MACF1: variants seen among roughly 807,000 people sequenced by gnomAD.
MACF1 encodes the protein microtubule-actin cross-linking factor 1.
A neutral mutation model predicts 854.8 loss-of-function variants in MACF1; 193 were observed. The ratio of observed to expected loss-of-function variants is 0.23; its 90% confidence interval spans 0.20 to 0.25. The LOEUF (loss-of-function observed/expected upper bound fraction) is 0.25. MACF1 is among the 10% of genes least tolerant of loss of function. MACF1 has a pLI of 1.00. For missense variants in MACF1, 7,722 were observed against 8,929.1 expected, an observed-to-expected ratio of 0.86 and a Z score of 5.45; for synonymous variants, 3,185 against 3,226.7, an observed-to-expected ratio of 0.99 and a Z score of 0.44.
chr1:39,163,016 T>C (rs1049484890), intron 2 of MACF1, among the ~76,000 whole-genome samples: 4 of 152,126 alleles, frequency 2.6e-5, no homozygotes, highest in African/African-American at 9.7e-5. Context: ...AAGCATGCTT[T>C]TTGTGGGTTT....
chr1:39,417,745 TTTTTGG>T (rs1250428869), intron 58 of MACF1, among the ~76,000 whole-genome samples: 16 of 110,180 alleles, frequency 1.5e-4, no homozygotes, highest in East Asian at 5.4e-4. Flanking sequence ...TTTTTTTTTT[TTTTTGG>T]ATTTTTAGTA....
Position 39,448,722 on chromosome 1 carries a change from C to T in MACF1, c.20217C>T (p.Val6739=). 1 of 1,613,190 alleles carries T rather than the reference C, an allele frequency of 6.2e-7. No homozygotes were observed. The highest frequency in any genetic ancestry group is 8.5e-7 in the Non-Finnish European group (1 of 1,179,460). ...AACTTGACAATTTCCTAGGAGAAGT[C>T]AGAGACAAATGGGATACTGTTTGTG... is the stretch of plus-strand genomic sequence containing the variant. ...SQKLDNFLGE[V]RDKWDTVCGK... Residue 6739 remains valine, a synonymous_variant, in exon 84 of 101, where the codon GTC becomes GTT. Transcript: ENST00000564288.
intron 2 of MACF1, among the ~76,000 whole-genome samples, chr1:39,163,014 T>G (rs1643832407): frequency 6.6e-6 from 1 of 152,138 alleles, no homozygotes; most frequent in African/African-American, 2.4e-5. Flanking sequence ...TTAAGCATGC[T>G]TTTTGTGGGT....
chr1:39,435,283 A>G lies in MACF1; in HGVS notation c.17785-275A>G, dbSNP rs148801470. Among the ~76,000 whole-genome samples the G allele has an allele frequency of 1.8e-4, 28 of 152,316 alleles. No homozygotes were observed. In the East Asian group the frequency reaches 5.4e-3, roughly 29 times the overall value. ...AGAGTGTGGAGTAGACTTGTATGAC[A>G]CAGCTGGTAGGGGAAGAGAAGAGAG... On this transcript the variant is annotated intron_variant, in intron 69 of 100. Transcript: ENST00000564288.
Position 39,318,549 on chromosome 1 carries a change from G to A in MACF1, c.3879G>A (p.Gln1293=). Residue 1293 remains glutamine, a synonymous_variant, in exon 30 of 101, where the codon CAG becomes CAA. Transcript: ENST00000564288. The part of the protein sequence containing the change: ...IKWIEETTAQ[Q]EMMKPGQAED... ...GGATTGAGGAAACCACTGCCCAGCA[G>A]GAAATGATGAAGCCAGGCCAGGCAG... is the stretch of plus-strand genomic sequence containing the variant. The A allele has an allele frequency of 1.2e-6, 2 of 1,614,004 alleles. No homozygotes were observed. Among genetic ancestry groups the A allele is most frequent in the South Asian group, 1.1e-5 (1 of 91,070 alleles).
chr1:39,278,950 A>C (rs1645491602), intron 6 of MACF1, among the ~76,000 whole-genome samples: 1 of 152,232 alleles, frequency 6.6e-6, no homozygotes. Context: ...GAATTTATTA[A>C]TTTACAAAAT....
intron 20 of MACF1, 62 bp downstream of exon 20, chr1:39,295,944 A>G: frequency 7.0e-7 from 1 of 1,423,734 alleles, no homozygotes; most frequent in South Asian, 1.2e-5. Context: ...TGAGGTTACA[A>G]ACACATCTGC....
Position 39,350,824 on chromosome 1 carries a change from G to A in MACF1, c.11005G>A (p.Ala3669Thr), listed in dbSNP as rs962026606. The A allele has an allele frequency of 1.2e-6, 2 of 1,613,986 alleles. No individual in the cohort carries two copies. Among genetic ancestry groups the A allele is most frequent in the African/African-American group, 2.7e-5 (2 of 75,012 alleles). The part of the protein sequence containing the change: ...DDIQNRATSF[A>T]TVVKDIEGFM... ...CATTCAGAATCGTGCCACCTCATTTGCCACTGTTGTCAAGGACATTGAGGG... is the reference window on the plus strand; with the variant it reads ...CATTCAGAATCGTGCCACCTCATTTACCACTGTTGTCAAGGACATTGAGGG... Residue 3669 changes from alanine to threonine, a missense_variant, in exon 43 of 101, where the codon GCC (alanine) becomes ACC (threonine). Ala to Thr is a moderately conservative substitution (Grantham distance 58). Around this residue, in one of 15 missense-constraint regions of MACF1, gnomAD observed 2,807 missense variants for 3,235.8 expected, o/e 0.87. Coordinates refer to ENST00000564288, the MANE Select transcript of MACF1 (RefSeq NM_001394062.1).
chr1:39,318,370 A>G (rs1340771305), intron 29 of MACF1, 83 bp from the exon 30 acceptor site: 3 of 1,267,806 alleles, frequency 2.4e-6, no homozygotes, highest in East Asian at 2.3e-5. Flanking sequence ...AGCTGGATAC[A>G]TGGGTTAAAG....
chr1:39,446,492 ATT>A (rs541475374), intron 80 of MACF1, among the ~76,000 whole-genome samples: 4 of 144,500 alleles, frequency 2.8e-5, no homozygotes, highest in Non-Finnish European at 4.6e-5. Context: ...ATTTATTGTA[ATT>A]TTTTTTTTTT....
intron 2 of MACF1, among the ~76,000 whole-genome samples, chr1:39,146,185 A>G (rs1352229358): frequency 6.6e-6 from 1 of 152,160 alleles, no homozygotes; most frequent in Non-Finnish European, 1.5e-5. Context: ...GCTCACGCCT[A>G]TAATCCCAGC....
intron 52 of MACF1, 83 bp downstream of exon 52, chr1:39,372,679 A>G (rs1207824633): frequency 1.1e-6 from 1 of 911,940 alleles, no homozygotes; most frequent in Non-Finnish European, 1.8e-6. Context: ...ATATAATTAA[A>G]GTGAAAATCA....
At chr1:39,258,134 C>T in intron 6 of MACF1, 106 bp downstream of exon 6, 1 of 911,444 alleles carries the variant, frequency 1.1e-6, no homozygotes, top group South Asian at 1.4e-5. Context: ...CTCTATTTGT[C>T]AGTGAACAAA....
chr1:39,226,332 T>C (rs1644715226), intron 1 of MACF1, among the ~76,000 whole-genome samples: 1 of 151,464 alleles, frequency 6.6e-6, no homozygotes, highest in Admixed American at 6.6e-5. Flanking sequence ...CAGAATAATT[T>C]ATGGATAGTA....
chr1:39,250,303 A>G (rs779606439), intron 3 of MACF1, 200 bp downstream of exon 3: 24 of 375,632 alleles, frequency 6.4e-5, no homozygotes, highest in African/African-American at 1.0e-4. Flanking sequence ...GATGTATTAT[A>G]TGTTCTCATT....
At chr1:39,462,549 CAAA>C (rs11304821) in intron 93 of MACF1, among the ~76,000 whole-genome samples, 31 of 137,976 alleles carry the variant, frequency 2.2e-4, no homozygotes, top group Non-Finnish European at 2.5e-4. Context: ...TCCCCCCCGC[CAAA>C]AAAAAAAAAA....
At position 39,333,407 on chromosome 1, in the gene MACF1, C is replaced by G; in HGVS notation, c.6819C>G (p.Cys2273Trp). The G allele has an allele frequency of 6.2e-7, 1 of 1,614,052 alleles. No individual in the cohort carries two copies. Among genetic ancestry groups the G allele is most frequent in the Non-Finnish European group, 8.5e-7 (1 of 1,179,982 alleles). ...EDSGREIFLS[C>W]SHPLELLEEA... ...GTGGCAGGGAAATTTTTCTGTCATG[C>G]AGTCATCCATTAGAATTGCTTGAAG... The change falls in exon 37 of 101, where the codon TGC (cysteine) becomes TGG (tryptophan). Residue 2273 changes from cysteine to tryptophan, a missense_variant. Cys to Trp is a radical substitution (Grantham distance 215). Coordinates refer to ENST00000564288, the MANE Select transcript of MACF1 (RefSeq NM_001394062.1).
In MACF1 at chr1:39,234,766, A is replaced by G. The variant is rs1311142691; in HGVS notation, c.171+3523A>G. Among the ~76,000 whole-genome samples, 10 of 116,918 alleles carry G rather than the reference A, an allele frequency of 8.6e-5. No individual in the cohort carries two copies. In the East Asian group the frequency reaches 2.3e-3, roughly 27 times the overall value. 76.7% of individuals were successfully genotyped at this position (116,918 alleles called of 152,430 possible). A position where few individuals can be genotyped will look rare whatever the true frequency, so the allele number is the denominator to read the frequency against. On this transcript the variant is annotated intron_variant, in intron 2 of 100. Transcript: ENST00000564288. ...TTCTCAGACGGGGCGGTTGCCAGGC[A>G]GAGGGTCTCCTCACTTCTCAGACGG...
intron 58 of MACF1, among the ~76,000 whole-genome samples, chr1:39,395,662 A>G (rs918339509): frequency 2.0e-5 from 3 of 152,178 alleles, no homozygotes; most frequent in South Asian, 2.1e-4. Context: ...CTCCACAGCC[A>G]ACCAAGAGTT....
Sources: allele counts gnomAD v4.1 joint callset (sites outside exome capture counted in the v4.1 genomes callset), GRCh38; gene constraint gnomAD v4.1.1; regional missense constraint gnomAD v4.1.1; transcripts MANE v1.5; gene names NCBI Gene and HGNC (gene_info 2026-07-23, HGNC 2026-07-21).